The following VAT1L variants were observed in gnomAD, a reference collection of about 807,000 sequenced individuals.
VAT1L encodes putative NADPH-dependent quinone oxidoreductase VAT1L.
In VAT1L, 34 loss-of-function variants were observed where a neutral mutation model predicts 44.1. That is an observed-to-expected ratio of 0.77 (90% confidence interval 0.59 to 1.03). The LOEUF (loss-of-function observed/expected upper bound fraction) is 1.03, where lower values mean the gene tolerates loss of function less well. Among genes scored for constraint, VAT1L ranks in the 50% least tolerant of loss-of-function variants. VAT1L has a pLI of 0.00. For missense variants in VAT1L, 615 were observed against 538.8 expected, an observed-to-expected ratio of 1.14 and a Z score of -1.40; for synonymous variants, 253 against 202.2, an observed-to-expected ratio of 1.25 and a Z score of -2.13.
At chr16:77,807,415 A>G (rs9935999) in intron 1 of VAT1L, among the ~76,000 whole-genome samples, 146 of 152,294 alleles carry the variant, frequency 9.6e-4, no homozygotes, top group African/African-American at 3.3e-3. Context: ...GCAGGGGTGC[A>G]AAGGCCCAGT....
chr16:77,791,876 A>T (rs1406951507), intron 1 of VAT1L, among the ~76,000 whole-genome samples: 1 of 152,174 alleles, frequency 6.6e-6, no homozygotes, highest in Non-Finnish European at 1.5e-5. Flanking sequence ...ATTGTTTTTT[A>T]AAATGTCAGT....
chr16:77,896,424 G>A (rs80058931), intron 7 of VAT1L, among the ~76,000 whole-genome samples: 6,181 of 152,252 alleles, frequency 0.041, 250 homozygotes, highest in East Asian at 0.16. Flanking sequence ...AGAGAATAAC[G>A]CTACCTTCCT....
At chr16:77,891,910 A>C (rs953461938) in intron 7 of VAT1L, among the ~76,000 whole-genome samples, 3 of 152,178 alleles carry the variant, frequency 2.0e-5, no homozygotes, top group African/African-American at 7.2e-5. Flanking sequence ...GTCTCTACTA[A>C]GAATACAAAA....
chr16:77,931,985 T>G (rs976094810), intron 7 of VAT1L, among the ~76,000 whole-genome samples: 2 of 152,226 alleles, frequency 1.3e-5, no homozygotes, highest in Non-Finnish European at 2.9e-5. Flanking sequence ...ATGTATTATT[T>G]TGCCTTGGAT....
At chr16:77,845,998 G>C (rs1314984627) in intron 3 of VAT1L, among the ~76,000 whole-genome samples, 3 of 152,110 alleles carry the variant, frequency 2.0e-5, no homozygotes, top group East Asian at 1.9e-4. Flanking sequence ...TGCTAGAGGG[G>C]TCTTCTTGAA....
At chr16:77,873,982 C>A (rs77822171) in intron 4 of VAT1L, among the ~76,000 whole-genome samples, 2,793 of 152,198 alleles carry the variant, frequency 0.018, 80 homozygotes, top group African/African-American at 0.064. Flanking sequence ...TGCTTCTCTG[C>A]AGAACCAGAG....
At chr16:77,942,195 A>T (rs1055142567) in intron 7 of VAT1L, among the ~76,000 whole-genome samples, 5 of 152,330 alleles carry the variant, frequency 3.3e-5, no homozygotes, top group African/African-American at 9.6e-5. Context: ...ATGGTGGAAG[A>T]TGAAAGGCAT....
At chr16:77,935,905 G>C (rs1186749535) in intron 7 of VAT1L, among the ~76,000 whole-genome samples, 1 of 152,170 alleles carries the variant, frequency 6.6e-6, no homozygotes, top group Non-Finnish European at 1.5e-5. Context: ...TCATGTATCT[G>C]AAGTACCCGG....
At chr16:77,875,346 A>G (rs1332928332) in intron 4 of VAT1L, among the ~76,000 whole-genome samples, 1 of 152,230 alleles carries the variant, frequency 6.6e-6, no homozygotes, top group East Asian at 1.9e-4. Context: ...CACATGCTGC[A>G]ATGCCTAAAT....
chr16:77,878,138 C>G (rs1230872010), intron 5 of VAT1L, among the ~76,000 whole-genome samples: 1 of 152,168 alleles, frequency 6.6e-6, no homozygotes, highest in East Asian at 1.9e-4. Context: ...ACTAATTAAT[C>G]AAAGTCTAGT....
At chr16:77,828,454 G>A (rs910869821) in intron 3 of VAT1L, among the ~76,000 whole-genome samples, 8 of 152,016 alleles carry the variant, frequency 5.3e-5, no homozygotes, top group African/African-American at 1.4e-4. Context: ...ACCTGAGGTC[G>A]GGAGTTCGAG....
At chr16:77,865,133 C>G (rs1193346514) in intron 4 of VAT1L, among the ~76,000 whole-genome samples, 5 of 151,980 alleles carry the variant, frequency 3.3e-5, no homozygotes, top group Non-Finnish European at 7.4e-5. Flanking sequence ...ACCACCACAC[C>G]TGGCTAATTT....
intron 7 of VAT1L, among the ~76,000 whole-genome samples, chr16:77,928,603 C>A (rs2017695012): frequency 2.0e-5 from 3 of 152,050 alleles, no homozygotes; most frequent in Non-Finnish European, 2.9e-5. Flanking sequence ...TCCCCTTGAC[C>A]ATAGTGATAT....
At chr16:77,795,010 T>C (rs917390316) in intron 1 of VAT1L, among the ~76,000 whole-genome samples, 12 of 152,188 alleles carry the variant, frequency 7.9e-5, no homozygotes, top group African/African-American at 2.9e-4. Flanking sequence ...CTAGAATCAG[T>C]GATTCTTCTA....
chr16:77,823,147 C>A (rs2016479483), intron 2 of VAT1L, among the ~76,000 whole-genome samples: 1 of 151,904 alleles, frequency 6.6e-6, no homozygotes, highest in African/African-American at 2.4e-5. Flanking sequence ...AACTGGCCAA[C>A]CTGGAAAATC....
chr16:77,809,284 C>G (rs778271171), intron 1 of VAT1L, among the ~76,000 whole-genome samples: 3 of 152,166 alleles, frequency 2.0e-5, no homozygotes, highest in Non-Finnish European at 4.4e-5. Flanking sequence ...ATAGAAAGCG[C>G]CCCATAAAAG....
At chr16:77,833,290 C>G (rs1007869353) in intron 3 of VAT1L, among the ~76,000 whole-genome samples, 1 of 152,070 alleles carries the variant, frequency 6.6e-6, no homozygotes, top group African/African-American at 2.4e-5. Context: ...AAGTGCTACA[C>G]CAGGGAGATA....
chr16:77,819,264 T>G (rs1444999486), intron 2 of VAT1L, among the ~76,000 whole-genome samples: 1 of 152,214 alleles, frequency 6.6e-6, no homozygotes, highest in African/African-American at 2.4e-5. Context: ...CATCAGCTAT[T>G]CTGTGGGACT....
rs2018377201 is a variant in VAT1L at position 77,979,526 on chromosome 16, G to A, written c.*1831G>A. 1 of 152,138 alleles carries A rather than the reference G, an allele frequency of 6.6e-6. No homozygotes were observed. Among genetic ancestry groups the A allele is most frequent in the Non-Finnish European group, 1.5e-5 (1 of 68,032 alleles). 9.4% of individuals were successfully genotyped at this position (152,138 alleles called of 1,614,324 possible). A position where few individuals can be genotyped will look rare whatever the true frequency, so the allele number is the denominator to read the frequency against. ...TCCAAGTGGCATTCCTAGTAAGTTGGGTAGAAATGACATTTTCCAGAGCTG... is the reference window on the plus strand; with the variant it reads ...TCCAAGTGGCATTCCTAGTAAGTTGAGTAGAAATGACATTTTCCAGAGCTG... On this transcript the variant is annotated 3_prime_UTR_variant, in exon 9 of 9. Transcript: ENST00000302536.
Sources: allele counts gnomAD v4.1 joint callset (sites outside exome capture counted in the v4.1 genomes callset), GRCh38; gene constraint gnomAD v4.1.1; transcripts MANE v1.5; gene names NCBI Gene and HGNC (gene_info 2026-07-23, HGNC 2026-07-21).